RFX2: variants seen among roughly 807,000 people sequenced by gnomAD.
RFX2 encodes the protein regulatory factor X2, also known as DNA-binding protein RFX2.
In RFX2, 20 loss-of-function variants were observed where a neutral mutation model predicts 87.8. The ratio of observed to expected loss-of-function variants is 0.23; its 90% CI spans 0.16 to 0.33. The LOEUF (loss-of-function observed/expected upper bound fraction) is 0.33, where lower values mean the gene tolerates loss of function less well. Ranked by LOEUF, RFX2 falls within the 10% of genes least tolerant of loss-of-function variation. The pLI is 1.00. For synonymous variants in RFX2, 397 were observed against 431.3 expected (o/e 0.92, Z 0.98); for missense variants, 767 against 1,012.3 (o/e 0.76, Z 3.29).
At chr19:6,042,715 G>A (rs2087128533) in intron 3 of RFX2, among the ~76,000 whole-genome samples, 2 of 152,214 alleles carry the variant, frequency 1.3e-5, no homozygotes, top group African/African-American at 2.4e-5. Flanking sequence ...TGCCTGGAGA[G>A]ATGGGGCAAT....
chr19:6,090,945 G>C (rs1234072450), intron 1 of RFX2, among the ~76,000 whole-genome samples: 1 of 152,148 alleles, frequency 6.6e-6, no homozygotes, highest in Non-Finnish European at 1.5e-5. Context: ...AAAGAAGTCA[G>C]TCACGAAAAA....
chr19:6,079,006 C>A (rs984887952), intron 1 of RFX2, among the ~76,000 whole-genome samples: 1 of 152,260 alleles, frequency 6.6e-6, no homozygotes, highest in Non-Finnish European at 1.5e-5. Context: ...GAACTCCTGA[C>A]CTCAAGAGAG....
intron 1 of RFX2, among the ~76,000 whole-genome samples, chr19:6,048,035 G>A (rs2087220464): frequency 6.6e-6 from 1 of 152,188 alleles, no homozygotes; most frequent in South Asian, 2.1e-4. Flanking sequence ...AGCACCCCTG[G>A]CCTCCACCCA....
intron 5 of RFX2, among the ~76,000 whole-genome samples, chr19:6,037,900 T>C (rs963168968): frequency 1.3e-5 from 2 of 151,928 alleles, no homozygotes; most frequent in African/African-American, 4.8e-5. Context: ...AGCAATCCAA[T>C]GGAGAAAGGG....
rs951467142 is a variant in RFX2, at chr19:6,045,217, C to T, written c.91-935G>A. 2.0e-5 allele frequency among the ~76,000 whole-genome samples: 3 copies of T among 152,284 alleles called. No homozygotes were observed. Among genetic ancestry groups the T allele is most frequent in the Admixed American group, 6.5e-5 (1 of 15,292 alleles). On this transcript the variant is annotated intron_variant, in intron 2 of 17. Coordinates refer to ENST00000303657, the MANE Select transcript of RFX2 (RefSeq NM_000635.4). The surrounding 1 kb of genome is among the most constrained non-coding windows in gnomAD (Gnocchi z 5.2). Reference sequence around the variant, plus strand: ...AAGATGGTGCTAATAAGGATGCCAGCGCAAGGGCATTCTGATTCCAGGTGA... The same window carrying T: ...AAGATGGTGCTAATAAGGATGCCAGTGCAAGGGCATTCTGATTCCAGGTGA...
rs1224200913 is a variant in RFX2 at position 6,063,919 on chromosome 19, C to T, written c.-8-16415G>A. On this transcript the variant is annotated intron_variant, in intron 1 of 17. Transcript: ENST00000303657. This position sits in a 1 kb window ranked among gnomAD's most constrained non-coding sequence, Gnocchi z 4.0. ...CCATGGAGAACCACACGTCTAAGGC[C>T]ACACCTTTACTCCACACAGCATTTC... 6.6e-6 allele frequency among the ~76,000 whole-genome samples: 1 copy of T among 152,194 alleles called. No individual in the cohort carries two copies. The highest frequency in any genetic ancestry group is 1.5e-5 in the Non-Finnish European group (1 of 68,026).
Position 6,101,469 on chromosome 19 carries a change from G to C in RFX2, c.-9+8924C>G, listed in dbSNP as rs547153326. Among the ~76,000 whole-genome samples the C allele has an allele frequency of 6.6e-6, 1 of 152,322 alleles. No individual in the cohort carries two copies. Among genetic ancestry groups the C allele is most frequent in the African/African-American group, 2.4e-5 (1 of 41,578 alleles). On this transcript the variant is annotated intron_variant, in intron 1 of 17. Coordinates refer to ENST00000303657, the MANE Select transcript of RFX2 (RefSeq NM_000635.4). The surrounding 1 kb of genome is among the most constrained non-coding windows in gnomAD (Gnocchi z 4.9). ...TGGGCTGGTAATTTTTTTGGAAACT[G>C]CTTCTAAGGCCTTTCCCCACAGATC...
At chr19:6,089,027 T>C (rs887266980) in intron 1 of RFX2, among the ~76,000 whole-genome samples, 3 of 152,214 alleles carry the variant, frequency 2.0e-5, no homozygotes. Context: ...CTTCTTTTGA[T>C]TTTTCCAACT....
rs994661753 is a variant in RFX2 at position 6,074,770 on chromosome 19, C to T, written c.-8-27266G>A. On this transcript the variant is annotated intron_variant, in intron 1 of 17. Transcript: ENST00000303657. This position sits in a 1 kb window ranked among gnomAD's most constrained non-coding sequence, Gnocchi z 5.2. ...AGGCAGAGTGAGGTGAGGAAAGTGT[C>T]GCCGCTGAGAAGGCTCTGCCAGGGA... is the stretch of plus-strand genomic sequence containing the variant. 6.6e-6 allele frequency among the ~76,000 whole-genome samples: 1 copy of T among 152,152 alleles called. No individual in the cohort carries two copies. The highest frequency in any genetic ancestry group is 6.5e-5 in the Admixed American group (1 of 15,282).
At chr19:6,051,527 A>G (rs2144787486) in intron 1 of RFX2, among the ~76,000 whole-genome samples, 1 of 152,304 alleles carries the variant, frequency 6.6e-6, no homozygotes, top group African/African-American at 2.4e-5. Context: ...TATATATACA[A>G]AAAGGTATAG....
intron 1 of RFX2, among the ~76,000 whole-genome samples, chr19:6,087,693 A>C (rs1320912454): frequency 6.6e-6 from 1 of 152,146 alleles, no homozygotes; most frequent in East Asian, 1.9e-4. Flanking sequence ...TCCAGCTACA[A>C]CAAAAGATTC....
rs145515071 is a variant in RFX2, at chr19:6,059,738, AACAC to A, written c.-8-12238_-8-12235del. Among the ~76,000 whole-genome samples, 12 of 152,058 alleles carry A rather than the reference AACAC, an allele frequency of 7.9e-5. No homozygotes were observed. In the East Asian group the frequency reaches 1.2e-3, roughly 15 times the overall value. On this transcript the variant is annotated intron_variant, in intron 1 of 17. Transcript: ENST00000303657. ...ATACATGGACATACACATATACACA[AACAC>A]ACACACACAAACACATGTACATACA... is the stretch of plus-strand genomic sequence containing the variant.
intron 1 of RFX2, among the ~76,000 whole-genome samples, chr19:6,089,595 C>T (rs1432461970): frequency 6.6e-6 from 1 of 152,172 alleles, no homozygotes; most frequent in Non-Finnish European, 1.5e-5. Flanking sequence ...GCCCCAGAGA[C>T]CTCCCCTGCC....
intron 1 of RFX2, chr19:6,073,512 G>T: frequency 1.4e-6 from 1 of 739,640 alleles, no homozygotes; most frequent in Non-Finnish European, 2.1e-6. Flanking sequence ...GCCAGGCTGC[G>T]CAGTGAAGAA....
chr19:6,104,172 C>T (rs2088172542), intron 1 of RFX2, among the ~76,000 whole-genome samples: 2 of 152,116 alleles, frequency 1.3e-5, no homozygotes, highest in Non-Finnish European at 2.9e-5. Flanking sequence ...TTTTCCTTTC[C>T]TCTTTCCCCT....
chr19:6,081,742 C>T (rs1460509295), intron 1 of RFX2, among the ~76,000 whole-genome samples: 2 of 152,044 alleles, frequency 1.3e-5, no homozygotes, highest in African/African-American at 2.4e-5. Context: ...CACCTGAGGT[C>T]GGGAGTTGAA....
chr19:6,082,883 A>C (rs1361732246), intron 1 of RFX2, among the ~76,000 whole-genome samples: 4 of 152,196 alleles, frequency 2.6e-5, no homozygotes, highest in Non-Finnish European at 5.9e-5. Context: ...GAGGAAAAAG[A>C]AGCAGCAGTG....
In RFX2 at chr19:6,013,523, C is replaced by T. The variant is rs1225536569; in HGVS notation, c.780-418G>A. Among the ~76,000 whole-genome samples, 3 of 149,600 alleles carry T rather than the reference C, an allele frequency of 2.0e-5. No individual in the cohort carries two copies. The highest frequency in any genetic ancestry group is 3.0e-5 in the Non-Finnish European group (2 of 67,736). ...TTTTTTTTTTTCAGAAACAGGGTCTCACTCTGTCACCCAGGCTGGAGTGCA... is the reference window on the plus strand; with the variant it reads ...TTTTTTTTTTTCAGAAACAGGGTCTTACTCTGTCACCCAGGCTGGAGTGCA... On this transcript the variant is annotated intron_variant, in intron 7 of 17. Transcript: ENST00000303657. This position sits in a 1 kb window ranked among gnomAD's most constrained non-coding sequence, Gnocchi z 4.1.
Position 6,084,065 on chromosome 19 carries a change from G to A in RFX2, c.-9+26328C>T, listed in dbSNP as rs958499532. Among the ~76,000 whole-genome samples the A allele has an allele frequency of 5.3e-5, 8 of 152,120 alleles. 1 individual carries two copies. The highest frequency in any genetic ancestry group is 7.3e-5 in the Non-Finnish European group (5 of 68,030). On this transcript the variant is annotated intron_variant, in intron 1 of 17. Transcript: ENST00000303657. Reference sequence around the variant, plus strand: ...GATATGGGAGTGTGGTGTGGGAATCGTCTGTGAGTGCTAAAGAACCGGTCC... The same window carrying A: ...GATATGGGAGTGTGGTGTGGGAATCATCTGTGAGTGCTAAAGAACCGGTCC...
Sources: gnomAD v4.1 joint callset for allele counts (sites outside exome capture counted in the v4.1 genomes callset) on GRCh38, gnomAD v4.1.1 for gene constraint, Gnocchi (gnomAD v3.1) non-coding constraint, MANE v1.5 for transcripts, NCBI Gene and HGNC (gene_info 2026-07-23, HGNC 2026-07-21) for gene names.